Variants in JUP observed in about 807,000 individuals in gnomAD.
JUP encodes the protein junction plakoglobin.
A neutral mutation model predicts 71.1 loss-of-function variants in JUP; 28 were observed. The ratio of observed to expected loss-of-function variants is 0.39; its 90% CI spans 0.29 to 0.54. The LOEUF (loss-of-function observed/expected upper bound fraction) is 0.54, where lower values mean the gene tolerates loss of function less well. Among genes scored for constraint, JUP ranks in the 20% least tolerant of loss-of-function variants. The pLI is 0.62. For missense variants in JUP, 869 were observed against 1,030.1 expected (o/e 0.84, Z 2.14); for synonymous variants, 401 against 438.9 (o/e 0.91, Z 1.08).
intron 1 of JUP, among the ~76,000 whole-genome samples, chr17:41,783,111 A>C (rs1253900522): frequency 6.6e-6 from 1 of 151,596 alleles, no homozygotes; most frequent in African/African-American, 2.4e-5. Flanking sequence ...AAAAAAAAAA[A>C]ATCCTTTCCA....
chr17:41,755,863 T>TG lies in JUP; in HGVS notation c.2118dup (p.Ser707GlnfsTer6), dbSNP rs1913623011. 1.2e-6 allele frequency: 2 copies of TG among 1,612,404 alleles called. No homozygotes were observed. Among genetic ancestry groups the TG allele is most frequent in the Non-Finnish European group, 1.7e-6 (2 of 1,179,188 alleles). ...TCCAGCGGGTCAAGGGGCACATCGC[T>TG]GGAGTACATGGGGCGGTAGGTGGCA... On this transcript the variant is annotated frameshift_variant, in exon 14 of 14. Transcript: ENST00000393931. LOFTEE classifies it high-confidence loss of function.
At chr17:41,775,488 G>A (rs1178199223) in intron 1 of JUP, among the ~76,000 whole-genome samples, 3 of 152,198 alleles carry the variant, frequency 2.0e-5, no homozygotes, top group East Asian at 1.9e-4. Context: ...GGTGGAGGGG[G>A]CCACACCCAG....
At position 41,764,951 on chromosome 17, in the gene JUP, G is replaced by A. The variant is rs1212678389; in HGVS notation, c.1026C>T (p.Pro342=). 2 of 1,614,064 alleles carry A rather than the reference G, an allele frequency of 1.2e-6. No individual in the cohort carries two copies. The highest frequency in any genetic ancestry group is 1.1e-5 in the South Asian group (1 of 91,092). ...CCTCCACAATGGCAGGCTTATTGCT[G>A]GGACACACGGATAGCACCTTGAGCA... The part of the protein sequence containing the change: ...SRVLKVLSVC[P]SNKPAIVEAG... The change falls in exon 6 of 14, where the codon CCC becomes CCT. Residue 342 remains proline, a synonymous_variant. Transcript: ENST00000393931.
At chr17:41,783,752 C>T (rs1235316705) in intron 1 of JUP, among the ~76,000 whole-genome samples, 1 of 151,918 alleles carries the variant, frequency 6.6e-6, no homozygotes, top group African/African-American at 2.4e-5. Context: ...AACCCTGTCT[C>T]TACTAAAAAT....
chr17:41,782,579 TC>T (rs2047217713), intron 1 of JUP, among the ~76,000 whole-genome samples: 1 of 152,106 alleles, frequency 6.6e-6, no homozygotes, highest in Non-Finnish European at 1.5e-5. Flanking sequence ...CCCTGCCTCC[TC>T]TTTCCCTCTC....
chr17:41,784,229 T>C lies in JUP; in HGVS notation c.-9+2359A>G, dbSNP rs2047334538. 2.0e-5 allele frequency among the ~76,000 whole-genome samples: 3 copies of C among 151,612 alleles called. 1 individual carries two copies. The South Asian group carries it at 6.3e-4, about 32-fold the overall frequency. Reference sequence around the variant, plus strand: ...CCTAGCCCGACCTTTTTCGTTCCTATGCACTGCATTCTCAAAGCCTCGGCC... The same window carrying C: ...CCTAGCCCGACCTTTTTCGTTCCTACGCACTGCATTCTCAAAGCCTCGGCC... On this transcript the variant is annotated intron_variant, in intron 1 of 13. Transcript: ENST00000393931.
At chr17:41,781,556 G>A (rs1555610288) in intron 1 of JUP, among the ~76,000 whole-genome samples, 1 of 152,206 alleles carries the variant, frequency 6.6e-6, no homozygotes, top group African/African-American at 2.4e-5. Context: ...AGGCCGCTCA[G>A]TGTCACTTGC....
chr17:41,782,403 T>C (rs1164034064), intron 1 of JUP, among the ~76,000 whole-genome samples: 1 of 152,176 alleles, frequency 6.6e-6, no homozygotes, highest in African/African-American at 2.4e-5. Flanking sequence ...AGCCCAGGCC[T>C]AAATCGGACT....
chr17:41,766,396 G>A (rs1297547671), intron 5 of JUP, among the ~76,000 whole-genome samples: 1 of 152,104 alleles, frequency 6.6e-6, no homozygotes, highest in Admixed American at 6.6e-5. Context: ...GGGTGGTTTT[G>A]AGGACAATAT....
chr17:41,764,430 G>A (rs1555603003), intron 7 of JUP, among the ~76,000 whole-genome samples: 1 of 151,100 alleles, frequency 6.6e-6, no homozygotes, highest in Non-Finnish European at 1.5e-5. Context: ...AACTACTCGG[G>A]AGGCTGAGGC....
chr17:41,758,256 G>T, intron 10 of JUP, 143 bp downstream of exon 10: 1 of 1,003,782 alleles, frequency 1.0e-6, no homozygotes, highest in Non-Finnish European at 1.5e-6. Flanking sequence ...TTGCTAAGTA[G>T]TCAATCTGGA....
chr17:41,770,970 C>T (rs147592522), intron 2 of JUP, among the ~76,000 whole-genome samples: 2,419 of 152,352 alleles, frequency 0.016, 34 homozygotes, highest in Non-Finnish European at 0.02. Flanking sequence ...CAAAGGGCTG[C>T]GTCCTCCCTG....
rs539663974 is a variant in JUP at position 41,783,775 on chromosome 17, C to T, written c.-9+2813G>A. ...CTCTACTAAAAATACAAAAATCAGC[C>T]GGGGGTGGTGGCACACGCCTGTAAT... On this transcript the variant is annotated intron_variant, in intron 1 of 13. Transcript: ENST00000393931. Among the ~76,000 whole-genome samples the T allele has an allele frequency of 2.3e-4, 35 of 150,786 alleles. No individual in the cohort carries two copies. The East Asian group carries it at 3.0e-3, about 13-fold the overall frequency.
intron 1 of JUP, among the ~76,000 whole-genome samples, chr17:41,773,238 G>A (rs1349999724): frequency 2.0e-5 from 3 of 152,200 alleles, no homozygotes; most frequent in Non-Finnish European, 4.4e-5. Flanking sequence ...GGTGGCTGGG[G>A]CAACCTGGCC....
chr17:41,772,061 T>TG, intron 1 of JUP, 199 bp from the exon 2 acceptor site: 1 of 660,068 alleles, frequency 1.5e-6, no homozygotes, highest in East Asian at 2.7e-5. Flanking sequence ...CGAGATACCC[T>TG]GGGAGCAGTG....
chr17:41,765,082 G>T lies in JUP; in HGVS notation c.910-15C>A. The T allele has an allele frequency of 6.2e-7, 1 of 1,613,326 alleles. No individual in the cohort carries two copies. Among genetic ancestry groups the T allele is most frequent in the Non-Finnish European group, 8.5e-7 (1 of 1,179,306 alleles). Reference sequence around the variant, plus strand: ...AGGATGATCAGCTATGGGTAAAGAGGGAATGAGTGTGAGATGGACGGGGAA... The same window carrying T: ...AGGATGATCAGCTATGGGTAAAGAGTGAATGAGTGTGAGATGGACGGGGAA... On this transcript the variant is annotated splice_polypyrimidine_tract_variant and intron_variant, in intron 5 of 13. Transcript: ENST00000393931.
At chr17:41,778,580 T>C (rs1438204426) in intron 1 of JUP, among the ~76,000 whole-genome samples, 3 of 149,566 alleles carry the variant, frequency 2.0e-5, no homozygotes, top group Non-Finnish European at 4.4e-5. Context: ...AATGTTACTA[T>C]ATACAGGGGA....
intron 10 of JUP, chr17:41,758,096 T>C: frequency 1.9e-6 from 1 of 527,100 alleles, no homozygotes; most frequent in South Asian, 2.9e-5. Context: ...GCTGATTTTT[T>C]AAAAATGCTT....
chr17:41,759,904 G>T (rs142996371), intron 8 of JUP, among the ~76,000 whole-genome samples: 1 of 152,126 alleles, frequency 6.6e-6, no homozygotes, highest in African/African-American at 2.4e-5. Flanking sequence ...TTCTAAACAT[G>T]AATTTTCTTT....
Sources: allele counts gnomAD v4.1 joint callset (sites outside exome capture counted in the v4.1 genomes callset), GRCh38; gene constraint gnomAD v4.1.1; transcripts MANE v1.5; gene names NCBI Gene and HGNC (gene_info 2026-07-23, HGNC 2026-07-21).